Variants in CDKL4 observed in about 807,000 individuals in gnomAD.
The protein encoded by CDKL4 is cyclin-dependent kinase-like 4.
In CDKL4, 44 loss-of-function variants were observed where a neutral mutation model predicts 42.0. That is an observed-to-expected ratio of 1.05 (90% CI 0.82 to 1.35). The LOEUF (loss-of-function observed/expected upper bound fraction) is 1.35. Among genes scored for constraint, CDKL4 ranks in the 40% most tolerant of loss-of-function variants. CDKL4 has a pLI of 0.00. For synonymous variants in CDKL4, 120 were observed against 121.6 expected, an observed-to-expected ratio of 0.99 and a Z score of 0.09; for missense variants, 393 against 369.9, an observed-to-expected ratio of 1.06 and a Z score of -0.51.
At chr2:39,185,532 G>A (rs1185185180) in intron 7 of CDKL4, among the ~76,000 whole-genome samples, 2 of 148,154 alleles carry the variant, frequency 1.3e-5, no homozygotes, top group East Asian at 2.0e-4. Flanking sequence ...GCACGAACAA[G>A]GCTCACAGCA....
chr2:39,188,929 C>T (rs755994661), intron 6 of CDKL4, among the ~76,000 whole-genome samples: 7 of 152,086 alleles, frequency 4.6e-5, no homozygotes, highest in Non-Finnish European at 7.4e-5. Context: ...TTTTAAATCC[C>T]CATTGTGCCA....
intron 1 of CDKL4, among the ~76,000 whole-genome samples, chr2:39,233,879 G>GATATATAT (rs35424282): frequency 7.3e-6 from 1 of 136,880 alleles, no homozygotes; most frequent in African/African-American, 2.7e-5. Context: ...TATTTAAGAA[G>GATATATAT]ATATATATAT....
chr2:39,213,464 T>C (rs1386899525), exon 4 of CDKL4: 3 of 1,608,716 alleles, frequency 1.9e-6, no homozygotes, highest in Non-Finnish European at 2.6e-6. Context: ...GATCACTCCA[T>C]CAGCAACTCT....
At chr2:39,217,109 G>A (rs980822854) in intron 3 of CDKL4, among the ~76,000 whole-genome samples, 5 of 152,160 alleles carry the variant, frequency 3.3e-5, no homozygotes, top group Admixed American at 1.3e-4. Flanking sequence ...AAGATAGAGC[G>A]CTGCAGCACC....
intron 9 of CDKL4, among the ~76,000 whole-genome samples, chr2:39,177,245 G>A (rs1675202780): frequency 6.6e-6 from 1 of 152,094 alleles, no homozygotes; most frequent in Admixed American, 6.6e-5. Context: ...GAGAGCTGGA[G>A]GCTGTGAAGG....
intron 1 of CDKL4, among the ~76,000 whole-genome samples, 38 bp downstream of exon 1, chr2:39,243,833 C>T (rs940113204): frequency 1.3e-5 from 2 of 152,190 alleles, no homozygotes; most frequent in Admixed American, 1.3e-4. Flanking sequence ...CCGCACGCTG[C>T]CCGCAGTTCC....
At chr2:39,180,493 C>T (rs1236081366) in intron 8 of CDKL4, among the ~76,000 whole-genome samples, 3 of 151,142 alleles carry the variant, frequency 2.0e-5, no homozygotes, top group Non-Finnish European at 4.4e-5. Flanking sequence ...GGCGAGGGAT[C>T]TGATTAGTCC....
rs528396179 is a variant in CDKL4 at position 39,183,057 on chromosome 2, G to A, written c.792+1534C>T. On this transcript the variant is annotated intron_variant, in intron 8 of 9. Transcript: ENST00000451199. ...AGCACTTTGGGAGGCCTAGGTGGGCGGATCATGAGGTCAGGAGATGGAGAC... is the reference window on the plus strand; with the variant it reads ...AGCACTTTGGGAGGCCTAGGTGGGCAGATCATGAGGTCAGGAGATGGAGAC... Among the ~76,000 whole-genome samples the A allele has an allele frequency of 6.0e-4, 92 of 152,274 alleles. 2 individuals are homozygous for A. In the South Asian group the frequency reaches 0.017, roughly 27 times the overall value.
rs1365611362 is a variant in CDKL4 at position 39,231,223 on chromosome 2, CAAACA to C, written c.-56-1640_-56-1636del. Reference sequence around the variant, plus strand: ...CAAGGCTCCATCTCAAAAACAAAAACAAACAAACAAACAAACAAACAAAAAGAATG... The same window carrying C: ...CAAGGCTCCATCTCAAAAACAAAAACAACAAACAAACAAACAAAAAGAATG... On this transcript the variant is annotated intron_variant, in intron 1 of 9. Coordinates refer to ENST00000451199, the Ensembl canonical transcript of CDKL4. Among the ~76,000 whole-genome samples the C allele has an allele frequency of 1.2e-3, 14 of 12,130 alleles. 1 individual carries two copies. Among genetic ancestry groups the C allele is most frequent in the Non-Finnish European group, 2.3e-3 (2 of 886 alleles). The allele number at this position is 12,130 out of a possible 152,430, so 8.0% of individuals were successfully genotyped here. A position where few individuals can be genotyped will look rare whatever the true frequency, so the allele number is the denominator to read the frequency against.
intron 5 of CDKL4, among the ~76,000 whole-genome samples, chr2:39,198,136 G>A (rs1358789365): frequency 6.6e-6 from 1 of 152,036 alleles, no homozygotes; most frequent in African/African-American, 2.4e-5. Flanking sequence ...AGTAAAGTGG[G>A]GGGAAAGGGT....
intron 1 of CDKL4, among the ~76,000 whole-genome samples, chr2:39,243,652 C>A (rs533345127): frequency 6.6e-6 from 1 of 152,390 alleles, no homozygotes; most frequent in South Asian, 2.1e-4. Flanking sequence ...TGGGCAGCAC[C>A]ATTTCCGCCC....
chr2:39,177,261 C>T (rs902434720), intron 9 of CDKL4, among the ~76,000 whole-genome samples: 1 of 152,092 alleles, frequency 6.6e-6, no homozygotes, highest in Non-Finnish European at 1.5e-5. Context: ...GAAGGGAGAG[C>T]AGCACCCAAC....
At chr2:39,217,665 T>C (rs1678012622) in intron 3 of CDKL4, among the ~76,000 whole-genome samples, 1 of 152,164 alleles carries the variant, frequency 6.6e-6, no homozygotes. Context: ...CAGCCCATTA[T>C]TTTCTGCTAT....
At chr2:39,179,242 T>A in exon 9 of CDKL4, 1 of 1,613,708 alleles carries the variant, frequency 6.2e-7, no homozygotes, top group South Asian at 1.1e-5. Flanking sequence ...AATTTGGGCC[T>A]CTTGAAAAGA....
chr2:39,246,707 A>T (rs1317003443), upstream of CDKL4, among the ~76,000 whole-genome samples: 2 of 151,914 alleles, frequency 1.3e-5, no homozygotes, highest in Non-Finnish European at 2.9e-5. Context: ...CTGGTTTACA[A>T]ATCTTACTAC....
chr2:39,172,362 C>T (rs1675024905), downstream of CDKL4, among the ~76,000 whole-genome samples: 2 of 151,546 alleles, frequency 1.3e-5, no homozygotes, highest in Non-Finnish European at 2.9e-5. Flanking sequence ...AGGCACTGCA[C>T]AATTTGGGAA....
intron 2 of CDKL4, among the ~76,000 whole-genome samples, chr2:39,228,645 G>A (rs1215132650): frequency 6.6e-6 from 1 of 152,048 alleles, no homozygotes; most frequent in Admixed American, 6.6e-5. Flanking sequence ...TCCCAACTCA[G>A]AATCTGCATT....
chr2:39,196,126 T>C (rs1676503028), intron 5 of CDKL4, among the ~76,000 whole-genome samples: 1 of 152,208 alleles, frequency 6.6e-6, no homozygotes, highest in Non-Finnish European at 1.5e-5. Flanking sequence ...CCGCAGCTGA[T>C]GTGCTCTTGA....
downstream of CDKL4, among the ~76,000 whole-genome samples, chr2:39,175,067 T>C (rs1360594169): frequency 6.6e-6 from 1 of 152,052 alleles, no homozygotes; most frequent in Non-Finnish European, 1.5e-5. Context: ...AGATATGAAA[T>C]AATATTAACT....
Sources: gnomAD v4.1 joint callset for allele counts (sites outside exome capture counted in the v4.1 genomes callset) on GRCh38, gnomAD v4.1.1 for gene constraint, MANE v1.5 for transcripts, NCBI Gene and HGNC (gene_info 2026-07-23, HGNC 2026-07-21) for gene names.